The following PFKFB3 variants were observed in gnomAD, a reference collection of about 807,000 sequenced individuals.
PFKFB3 encodes 6-phosphofructo-2-kinase/fructose-2,6-biphosphatase 3, also known as 6-phosphofructo-2-kinase/fructose-2,6-bisphosphatase 3.
A neutral mutation model predicts 68.0 loss-of-function variants in PFKFB3; 33 were observed. That is an observed-to-expected ratio of 0.49 (90% CI 0.37 to 0.65). PFKFB3 has a LOEUF of 0.65. PFKFB3 is among the 30% of genes least tolerant of loss of function. PFKFB3 has a pLI of 0.00. For missense variants in PFKFB3, 586 were observed against 712.2 expected, an observed-to-expected ratio of 0.82 and a Z score of 2.02; for synonymous variants, 315 against 288.2, an observed-to-expected ratio of 1.09 and a Z score of -0.94.
At chr10:6,203,475 G>A in intron 1 of PFKFB3, 139 bp downstream of exon 1, 2 of 304,296 alleles carry the variant, frequency 6.6e-6, no homozygotes, top group East Asian at 1.2e-4. Context: ...GCGGAGGCGC[G>A]GGCTGCGCGT....
At chr10:6,189,714 CA>C (rs1486731372) in intron 1 of PFKFB3, among the ~76,000 whole-genome samples, 1 of 151,772 alleles carries the variant, frequency 6.6e-6, no homozygotes, top group African/African-American at 2.4e-5. Context: ...GGGGTTTCAC[CA>C]TGTTGGACAG....
At chr10:6,297,744 A>C in the PFKFB3 span, among the ~76,000 whole-genome samples, 1 of 152,188 alleles carries the variant, frequency 6.6e-6, no homozygotes, top group African/African-American at 2.4e-5. Context: ...AGGGTGTGTC[A>C]AGTGATCGAG....
At chr10:6,302,923 C>T in the PFKFB3 span, among the ~76,000 whole-genome samples, 129 of 152,194 alleles carry the variant, frequency 8.5e-4, no homozygotes, top group East Asian at 0.02. Flanking sequence ...GGCGTCTCCC[C>T]AGTGCCTTCT....
At chr10:6,291,531 A>G in the PFKFB3 span, among the ~76,000 whole-genome samples, 1 of 150,116 alleles carries the variant, frequency 6.7e-6, no homozygotes, top group African/African-American at 2.5e-5. Flanking sequence ...CAGCCTGGGC[A>G]GTGGAATAAG....
At chr10:6,280,212 AT>A in the PFKFB3 span, among the ~76,000 whole-genome samples, 1 of 152,152 alleles carries the variant, frequency 6.6e-6, no homozygotes, top group Non-Finnish European at 1.5e-5. Context: ...AAGGAATTGG[AT>A]TTTTCCCTCT....
intron 1 of PFKFB3, among the ~76,000 whole-genome samples, chr10:6,177,490 C>CTTTCTTTTTA (rs1564600059): frequency 5.2e-5 from 1 of 19,372 alleles, no homozygotes; most frequent in Admixed American, 5.2e-4. Context: ...CTTTCTTTTT[C>CTTTCTTTTTA]TTTTCTTTCT....
chr10:6,288,362 C>A, the PFKFB3 span, among the ~76,000 whole-genome samples: 315 of 106,684 alleles, frequency 3.0e-3, 8 homozygotes, highest in Non-Finnish European at 2.2e-3. Context: ...CCTCCCCCCA[C>A]CCCACAACAG....
chr10:6,319,716 T>TA, the PFKFB3 span, among the ~76,000 whole-genome samples: 1 of 151,890 alleles, frequency 6.6e-6, no homozygotes, highest in East Asian at 1.9e-4. Context: ...CTATAAAAAT[T>TA]AAAAAATGGA....
chr10:6,291,641 G>A, the PFKFB3 span, among the ~76,000 whole-genome samples: 1 of 150,626 alleles, frequency 6.6e-6, no homozygotes, highest in Non-Finnish European at 1.5e-5. Context: ...TCAGAAGAAA[G>A]AAGTTTCCAT....
At chr10:6,315,503 T>C in the PFKFB3 span, among the ~76,000 whole-genome samples, 3 of 152,204 alleles carry the variant, frequency 2.0e-5, no homozygotes, top group Non-Finnish European at 4.4e-5. Context: ...TTTTCCTTTT[T>C]TTGAGATGGG....
At chr10:6,290,118 G>A in the PFKFB3 span, among the ~76,000 whole-genome samples, 1 of 152,088 alleles carries the variant, frequency 6.6e-6, no homozygotes, top group Non-Finnish European at 1.5e-5. Flanking sequence ...AGACAGTGGG[G>A]GTTTCTAGAT....
intron 1 of PFKFB3, among the ~76,000 whole-genome samples, chr10:6,177,393 T>TTTCTTTC (rs1554842913): frequency 7.1e-6 from 1 of 141,810 alleles, no homozygotes; most frequent in South Asian, 2.3e-4. Context: ...TCTTTCTTTC[T>TTTCTTTC]TTCTTTCTTT....
rs780129830 is a variant in PFKFB3, at chr10:6,219,688, C to T, written c.618C>T (p.Cys206=). 51 of 1,613,484 alleles carry T rather than the reference C, an allele frequency of 3.2e-5. No individual in the cohort carries two copies. In the South Asian group the frequency reaches 4.3e-4, roughly 14 times the overall value. ...ASYQPLDPDK[C]DRDLSLIKVI... The stretch of plus-strand genomic sequence containing the variant: ...ACCAGCCCCTCGACCCCGACAAATG[C>T]GACAGGTGATTCCCGTGGCTGGCCG... The change falls in exon 7 of 15, where the codon TGC becomes TGT. Residue 206 remains cysteine, a synonymous_variant. Coordinates refer to ENST00000379775, the MANE Select transcript of PFKFB3 (RefSeq NM_004566.4).
chr10:6,315,479 AT>A, the PFKFB3 span, among the ~76,000 whole-genome samples: 1 of 151,888 alleles, frequency 6.6e-6, no homozygotes, highest in Non-Finnish European at 1.5e-5. Flanking sequence ...GTCCCCGAGT[AT>A]TTTCTTTTTT....
intron 6 of PFKFB3, among the ~76,000 whole-genome samples, chr10:6,218,000 G>A (rs1257842461): frequency 6.6e-6 from 1 of 152,210 alleles, no homozygotes; most frequent in Non-Finnish European, 1.5e-5. Flanking sequence ...CCAAGGTGGT[G>A]GAAGTATTTC....
At chr10:6,279,437 C>G in the PFKFB3 span, among the ~76,000 whole-genome samples, 1 of 152,182 alleles carries the variant, frequency 6.6e-6, no homozygotes, top group Non-Finnish European at 1.5e-5. Context: ...TAAAAATGGG[C>G]TGAGCAGATT....
rs75787139 is a variant in PFKFB3, at chr10:6,214,723, C to T, written c.203-498C>T. The stretch of plus-strand genomic sequence containing the variant: ...GGATGGTTTTTATGTTTACCATCCC[C>T]GCTGTGCCCAGCTCAGTGCCCAGGA... On this transcript the variant is annotated intron_variant, in intron 2 of 14. Transcript: ENST00000379775. Among the ~76,000 whole-genome samples the T allele has an allele frequency of 8.0e-3, 1,223 of 152,286 alleles. 12 individuals carry two copies. The highest frequency in any genetic ancestry group is 0.026 in the African/African-American group (1,101 of 41,554).
chr10:6,189,443 T>C (rs969142338), intron 1 of PFKFB3, among the ~76,000 whole-genome samples: 6 of 152,162 alleles, frequency 3.9e-5, no homozygotes, highest in Admixed American at 2.6e-4. Flanking sequence ...AGGTTCTGTG[T>C]GTTTGTCAGG....
chr10:6,306,712 T>C, the PFKFB3 span, among the ~76,000 whole-genome samples: 1 of 152,150 alleles, frequency 6.6e-6, no homozygotes, highest in Admixed American at 6.5e-5. Context: ...ACTTCCCCCA[T>C]GGAAGGCCGT....
Sources: gnomAD v4.1 joint callset for allele counts (sites outside exome capture counted in the v4.1 genomes callset) on GRCh38, gnomAD v4.1.1 for gene constraint, MANE v1.5 for transcripts, NCBI Gene and HGNC (gene_info 2026-07-23, HGNC 2026-07-21) for gene names.